Variants in KCNB2 observed in about 807,000 individuals in gnomAD.
The protein encoded by KCNB2 is potassium voltage-gated channel subfamily B member 2, also known as delayed rectifier potassium channel protein.
A neutral mutation model predicts 61.5 loss-of-function variants in KCNB2; 15 were observed. The observed-to-expected ratio is 0.24, with a 90% CI of 0.16 to 0.38. The LOEUF (loss-of-function observed/expected upper bound fraction) is 0.38, where lower values mean the gene tolerates loss of function less well. Among genes scored for constraint, KCNB2 ranks in the 10% least tolerant of loss-of-function variants. The pLI is 1.00. For synonymous variants in KCNB2, 457 were observed against 446.0 expected (o/e 1.02, Z -0.31); for missense variants, 828 against 1,125.2 (o/e 0.74, Z 3.78).
chr8:72,576,541 G>T (rs773043399), intron 2 of KCNB2, among the ~76,000 whole-genome samples: 2 of 152,140 alleles, frequency 1.3e-5, no homozygotes, highest in African/African-American at 4.8e-5. Flanking sequence ...CAGTAAGCTT[G>T]GGAATTATTT....
chr8:72,724,308 G>A (rs1807597520), intron 2 of KCNB2, among the ~76,000 whole-genome samples: 1 of 152,182 alleles, frequency 6.6e-6, no homozygotes, highest in African/African-American at 2.4e-5. Context: ...AATGCCAGTT[G>A]TACAGCTATT....
chr8:72,769,510 G>T (rs1808525895), intron 2 of KCNB2, among the ~76,000 whole-genome samples: 1 of 152,170 alleles, frequency 6.6e-6, no homozygotes, highest in Non-Finnish European at 1.5e-5. Context: ...TCTGCCAGGG[G>T]TGCAATTTGA....
chr8:72,566,718 A>C (rs1806631005), intron 1 of KCNB2, among the ~76,000 whole-genome samples: 1 of 151,954 alleles, frequency 6.6e-6, no homozygotes, highest in Non-Finnish European at 1.5e-5. Flanking sequence ...TTCAAAAAAA[A>C]AAAAAAAGAA....
chr8:72,756,034 C>G (rs766067847), intron 2 of KCNB2, among the ~76,000 whole-genome samples: 4 of 152,152 alleles, frequency 2.6e-5, no homozygotes, highest in Non-Finnish European at 5.9e-5. Context: ...CAGAAAAGGT[C>G]TGGATCTTCT....
In KCNB2 at chr8:72,924,692, A is replaced by G. The variant is rs73687024; in HGVS notation, c.580-11243A>G. Among the ~76,000 whole-genome samples the G allele has an allele frequency of 2.0e-3, 305 of 152,300 alleles. 2 individuals are homozygous for G. The highest frequency in any genetic ancestry group is 6.9e-3 in the African/African-American group (285 of 41,578). On this transcript the variant is annotated intron_variant, in intron 2 of 2. Coordinates refer to ENST00000523207, the MANE Select transcript of KCNB2 (RefSeq NM_004770.3). ...AATAAACACCTCCTCAGTCTCTAAT[A>G]AATACAGAAGTGCTTGGGCCCATTC...
At chr8:72,678,059 T>A (rs1308463287) in intron 2 of KCNB2, among the ~76,000 whole-genome samples, 1 of 152,198 alleles carries the variant, frequency 6.6e-6, no homozygotes, top group Non-Finnish European at 1.5e-5. Flanking sequence ...GTTTAAACAA[T>A]GACCACTCTA....
chr8:72,762,877 T>G (rs902430393), intron 2 of KCNB2, among the ~76,000 whole-genome samples: 6 of 93,254 alleles, frequency 6.4e-5, no homozygotes, highest in Non-Finnish European at 1.2e-4. Flanking sequence ...TAAATCATAT[T>G]AACAAATATA....
chr8:72,557,829 A>G (rs1030500244), intron 1 of KCNB2, among the ~76,000 whole-genome samples: 7 of 152,302 alleles, frequency 4.6e-5, no homozygotes, highest in Admixed American at 3.3e-4. Flanking sequence ...AATAATTACT[A>G]GAGAGTTTTA....
chr8:72,640,572 C>T (rs975324855), intron 2 of KCNB2, among the ~76,000 whole-genome samples: 13 of 152,078 alleles, frequency 8.5e-5, no homozygotes, highest in South Asian at 4.2e-4. Flanking sequence ...GAAACACTTA[C>T]GCTGAGGAAT....
chr8:72,595,545 C>T (rs556727968), intron 2 of KCNB2, among the ~76,000 whole-genome samples: 5 of 152,008 alleles, frequency 3.3e-5, no homozygotes, highest in Admixed American at 2.6e-4. Flanking sequence ...AGGCTGGTCT[C>T]GAACTCCTGA....
intron 2 of KCNB2, among the ~76,000 whole-genome samples, chr8:72,812,968 C>T (rs9792391): frequency 0.11 from 16,101 of 152,086 alleles, 1,132 homozygotes; most frequent in East Asian, 0.4. Context: ...GAACTAGATG[C>T]TCTTTAACTA....
At chr8:72,885,205 A>T (rs1376161730) in intron 2 of KCNB2, among the ~76,000 whole-genome samples, 1 of 152,138 alleles carries the variant, frequency 6.6e-6, no homozygotes. Flanking sequence ...TAGGTCATAC[A>T]TACTACTGAC....
intron 2 of KCNB2, among the ~76,000 whole-genome samples, chr8:72,713,308 A>G (rs567972396): frequency 6.6e-6 from 1 of 152,312 alleles, no homozygotes; most frequent in East Asian, 1.9e-4. Context: ...CTTTGAAGAG[A>G]ATAGTGGTTC....
intron 2 of KCNB2, among the ~76,000 whole-genome samples, chr8:72,654,573 G>T (rs2891341): frequency 0.39 from 59,368 of 151,958 alleles, 13,800 homozygotes; most frequent in Non-Finnish European, 0.52. Context: ...ATATCAAATG[G>T]CCGTCTAAAC....
intron 2 of KCNB2, among the ~76,000 whole-genome samples, chr8:72,722,742 C>T (rs897917401): frequency 2.6e-5 from 4 of 152,134 alleles, no homozygotes; most frequent in Admixed American, 2.0e-4. Context: ...TTGTTTCAGA[C>T]AAATTAGGGA....
intron 2 of KCNB2, among the ~76,000 whole-genome samples, chr8:72,621,004 TTTTG>T (rs1475631013): frequency 6.6e-6 from 1 of 152,186 alleles, no homozygotes; most frequent in African/African-American, 2.4e-5. Context: ...TCTGAGAATT[TTTTG>T]TTTTTCTGTG....
intron 2 of KCNB2, among the ~76,000 whole-genome samples, chr8:72,923,376 A>T (rs1424907057): frequency 1.3e-5 from 2 of 152,228 alleles, no homozygotes; most frequent in South Asian, 4.1e-4. Context: ...TATGCCAAAG[A>T]TATATGTTTT....
chr8:72,895,225 G>A (rs1483834067), intron 2 of KCNB2, among the ~76,000 whole-genome samples: 1 of 152,206 alleles, frequency 6.6e-6, no homozygotes, highest in East Asian at 1.9e-4. Flanking sequence ...GGGAATTAAG[G>A]TGCTGATTAG....
chr8:72,588,583 G>T (rs1345593880), intron 2 of KCNB2, among the ~76,000 whole-genome samples: 1 of 152,026 alleles, frequency 6.6e-6, no homozygotes, highest in Non-Finnish European at 1.5e-5. Flanking sequence ...TGAGGGAACA[G>T]AGGCACAGAC....
Sources: allele counts gnomAD v4.1 joint callset (sites outside exome capture counted in the v4.1 genomes callset), GRCh38; gene constraint gnomAD v4.1.1; transcripts MANE v1.5; gene names NCBI Gene and HGNC (gene_info 2026-07-23, HGNC 2026-07-21).